ANKS1B: variants seen among roughly 807,000 people sequenced by gnomAD.
ANKS1B encodes ankyrin repeat and sterile alpha motif domain containing 1B, also known as ankyrin repeat and sterile alpha motif domain-containing protein 1B.
ANKS1B carries 36 observed loss-of-function variants against 148.3 expected under a neutral mutation model. The ratio of observed to expected loss-of-function variants is 0.24; its 90% CI spans 0.19 to 0.32. The LOEUF is 0.32. ANKS1B is among the 10% of genes least tolerant of loss of function. The pLI is 1.00. For synonymous variants in ANKS1B, 542 were observed against 560.8 expected (o/e 0.97, Z 0.47); for missense variants, 1,157 against 1,542.6 (o/e 0.75, Z 4.19).
intron 4 of ANKS1B, among the ~76,000 whole-genome samples, chr12:99,791,675 C>G (rs114349037): frequency 2.0e-5 from 3 of 151,686 alleles, no homozygotes; most frequent in South Asian, 2.1e-4. Flanking sequence ...ATGAAGAAAT[C>G]AGAAAGAAAA....
chr12:99,586,805 G>A (rs1211818451), intron 9 of ANKS1B, among the ~76,000 whole-genome samples: 1 of 152,064 alleles, frequency 6.6e-6, no homozygotes, highest in Non-Finnish European at 1.5e-5. Context: ...GTATGTGCGG[G>A]GGAACTCCCC....
intron 11 of ANKS1B, among the ~76,000 whole-genome samples, chr12:99,414,535 CATGG>C (rs1489622835): frequency 1.3e-5 from 2 of 152,078 alleles, no homozygotes; most frequent in African/African-American, 2.4e-5. Flanking sequence ...TTTGCAGGGA[CATGG>C]ATGAAGCTGG....
At chr12:99,281,781 T>C (rs1188036433) in intron 12 of ANKS1B, among the ~76,000 whole-genome samples, 1 of 152,206 alleles carries the variant, frequency 6.6e-6, no homozygotes, top group Admixed American at 6.5e-5. Flanking sequence ...TAGGCTGTCA[T>C]AGGTTTAATT....
intron 12 of ANKS1B, 74 bp from the exon 13 acceptor site, chr12:99,246,938 G>T: frequency 8.9e-7 from 1 of 1,124,418 alleles, no homozygotes. Context: ...GTGCCCTTAT[G>T]AACATGTGGG....
At chr12:98,833,631 C>A (rs1234077940) in intron 17 of ANKS1B, among the ~76,000 whole-genome samples, 1 of 151,816 alleles carries the variant, frequency 6.6e-6, no homozygotes, top group Non-Finnish European at 1.5e-5. Flanking sequence ...GGTATATGTG[C>A]AGGTTTGTTA....
chr12:99,607,621 A>G (rs373266695), intron 9 of ANKS1B, among the ~76,000 whole-genome samples: 3 of 152,108 alleles, frequency 2.0e-5, no homozygotes, highest in South Asian at 2.1e-4. Context: ...AAGACTCACT[A>G]GCTGGATTTG....
chr12:99,275,853 G>A (rs939549111), intron 12 of ANKS1B, among the ~76,000 whole-genome samples: 3 of 152,162 alleles, frequency 2.0e-5, no homozygotes, highest in African/African-American at 7.2e-5. Flanking sequence ...AATACAATCT[G>A]TCACAGTCTG....
intron 12 of ANKS1B, among the ~76,000 whole-genome samples, chr12:99,304,939 G>A (rs1450457997): frequency 6.6e-6 from 1 of 152,040 alleles, no homozygotes; most frequent in Non-Finnish European, 1.5e-5. Context: ...ACCTGAGACT[G>A]GGTAATTTAT....
At chr12:99,280,195 T>C (rs954372379) in intron 12 of ANKS1B, among the ~76,000 whole-genome samples, 12 of 151,464 alleles carry the variant, frequency 7.9e-5, no homozygotes, top group African/African-American at 1.2e-4. Context: ...TACGTGCATG[T>C]GTGTGTGTGA....
At chr12:99,701,681 C>T (rs566065674) in intron 8 of ANKS1B, among the ~76,000 whole-genome samples, 25 of 152,070 alleles carry the variant, frequency 1.6e-4, no homozygotes, top group South Asian at 8.3e-4. Context: ...TCCCCATCCC[C>T]GCCCCCAACA....
intron 17 of ANKS1B, among the ~76,000 whole-genome samples, chr12:99,022,113 T>C (rs2099946145): frequency 6.6e-6 from 1 of 152,202 alleles, no homozygotes; most frequent in South Asian, 2.1e-4. Context: ...ATTCTCTTCT[T>C]CCCAGGCACA....
At chr12:99,669,418 T>C (rs960483018) in intron 8 of ANKS1B, among the ~76,000 whole-genome samples, 5 of 152,194 alleles carry the variant, frequency 3.3e-5, no homozygotes, top group Admixed American at 3.3e-4. Flanking sequence ...GTTTAATTCA[T>C]TCAAGGCTTG....
At position 98,755,926 on chromosome 12, in the gene ANKS1B, C is replaced by T. The variant is rs556580326; in HGVS notation, c.3580-4404G>A. On this transcript the variant is annotated intron_variant, in intron 25 of 26. Transcript: ENST00000683438. ...GCTCTTTGAATCTGGACTGGTTTTA[C>T]TGACTTGCTTGACCCATAGGATATA... is the stretch of plus-strand genomic sequence containing the variant. Among the ~76,000 whole-genome samples, 47 of 152,326 alleles carry T rather than the reference C, an allele frequency of 3.1e-4. No individual in the cohort carries two copies. In the South Asian group the frequency reaches 8.5e-3, roughly 28 times the overall value.
chr12:99,352,443 C>A (rs1481238743), intron 12 of ANKS1B, among the ~76,000 whole-genome samples: 1 of 150,466 alleles, frequency 6.6e-6, no homozygotes, highest in Non-Finnish European at 1.5e-5. Context: ...CTTGCTCAGA[C>A]AGAGAAACAC....
At chr12:99,970,531 G>GAAAAA (rs5800395) in intron 1 of ANKS1B, among the ~76,000 whole-genome samples, 1 of 147,220 alleles carries the variant, frequency 6.8e-6, no homozygotes, top group Non-Finnish European at 1.5e-5. Context: ...CATTAAAATT[G>GAAAAA]AAAAAAAAAA....
intron 9 of ANKS1B, among the ~76,000 whole-genome samples, chr12:99,528,766 T>C (rs555872585): frequency 5.9e-5 from 9 of 152,154 alleles, no homozygotes; most frequent in African/African-American, 2.2e-4. Context: ...GCTAAAACAA[T>C]AAACAAAGGG....
At chr12:99,506,984 C>CTAA (rs1041654646) in intron 9 of ANKS1B, among the ~76,000 whole-genome samples, 1 of 152,014 alleles carries the variant, frequency 6.6e-6, no homozygotes, top group Non-Finnish European at 1.5e-5. Context: ...TCCCTAGAAT[C>CTAA]TAATACAGGT....
intron 15 of ANKS1B, among the ~76,000 whole-genome samples, chr12:99,115,308 T>G (rs925663097): frequency 5.3e-5 from 8 of 152,198 alleles, no homozygotes; most frequent in Admixed American, 2.6e-4. Context: ...AACAAGATCA[T>G]GTCTTTTGTG....
At chr12:98,886,239 T>C (rs1422796069) in intron 17 of ANKS1B, among the ~76,000 whole-genome samples, 1 of 152,152 alleles carries the variant, frequency 6.6e-6, no homozygotes, top group African/African-American at 2.4e-5. Context: ...TGAAAAAGGA[T>C]ATTGTGGACC....
Sources: gnomAD v4.1 joint callset for allele counts (sites outside exome capture counted in the v4.1 genomes callset) on GRCh38, gnomAD v4.1.1 for gene constraint, MANE v1.5 for transcripts, NCBI Gene and HGNC (gene_info 2026-07-23, HGNC 2026-07-21) for gene names.